Variants in AJAP1 observed in about 807,000 individuals in gnomAD.
The protein encoded by AJAP1 is adherens junction-associated protein 1.
In AJAP1, 5 loss-of-function variants were observed where a neutral mutation model predicts 35.0. That is an observed-to-expected ratio of 0.14 (90% CI 0.07 to 0.30). The LOEUF (loss-of-function observed/expected upper bound fraction) is 0.30. Ranked by LOEUF, AJAP1 falls within the 10% of genes least tolerant of loss-of-function variation. AJAP1 has a pLI of 1.00. For missense variants in AJAP1, 586 were observed against 571.0 expected (o/e 1.03, Z -0.27); for synonymous variants, 284 against 249.3 (o/e 1.14, Z -1.31).
chr1:4,704,923 G>T (rs1640067604), intron 1 of AJAP1, among the ~76,000 whole-genome samples: 1 of 152,204 alleles, frequency 6.6e-6, no homozygotes, highest in Non-Finnish European at 1.5e-5. Flanking sequence ...GTGAGCATTT[G>T]TTCATGTGTT....
rs1642074065 is a variant in AJAP1, at chr1:4,782,011, T to C, written c.*60-534T>C. On this transcript the variant is annotated intron_variant, in intron 5 of 5. Transcript: ENST00000378191. This position sits in a 1 kb window ranked among gnomAD's most constrained non-coding sequence, Gnocchi z 5.3. ...GAGATGTGGGAGGTGGATTTTCTGA[T>C]GCAGTCCATTTATCTCTCCCGAATT... Among the ~76,000 whole-genome samples the C allele has an allele frequency of 2.6e-5, 4 of 152,180 alleles. No individual in the cohort carries two copies. The South Asian group carries it at 8.3e-4, about 31-fold the overall frequency.
At position 4,788,639 on chromosome 1, in the gene AJAP1, G is replaced by C. The variant is rs1642207113; in HGVS notation, c.*6154G>C. 1 of 152,326 alleles carries C rather than the reference G, an allele frequency of 6.6e-6. No homozygotes were observed. Among genetic ancestry groups the C allele is most frequent in the African/African-American group, 2.4e-5 (1 of 41,426 alleles). The allele number at this position is 152,326 out of a possible 1,614,324, so 9.4% of individuals were successfully genotyped here. On this transcript the variant is annotated 3_prime_UTR_variant, in exon 6 of 6. Coordinates refer to ENST00000378191, the MANE Select transcript of AJAP1 (RefSeq NM_018836.4). Reference sequence around the variant, plus strand: ...ACACAAAGCAGCTCCCCTCAGAACAGCCAGCCCGGTGCAGAAGCACTTGAA... The same window carrying C: ...ACACAAAGCAGCTCCCCTCAGAACACCCAGCCCGGTGCAGAAGCACTTGAA...
At position 4,655,853 on chromosome 1, in the gene AJAP1, CG is replaced by C. The variant is rs1161804209; in HGVS notation, c.29+403del. ...CGGCGGGCGCGGGGGCCGGGGCTGC[CG>C]GGGAAAGCTAAAGCTCCGGGCTCCC... On this transcript the variant is annotated intron_variant, in intron 1 of 5. Coordinates refer to ENST00000378191, the MANE Select transcript of AJAP1 (RefSeq NM_018836.4). The surrounding 1 kb of genome is among the most constrained non-coding windows in gnomAD (Gnocchi z 6.9). Among the ~76,000 whole-genome samples the C allele has an allele frequency of 6.6e-6, 1 of 150,726 alleles. No individual in the cohort carries two copies. Among genetic ancestry groups the C allele is most frequent in the Non-Finnish European group, 1.5e-5 (1 of 67,556 alleles).
chr1:4,675,991 G>A (rs962774981), intron 1 of AJAP1, among the ~76,000 whole-genome samples: 1 of 152,216 alleles, frequency 6.6e-6, no homozygotes, highest in African/African-American at 2.4e-5. Context: ...CCACGTTTAG[G>A]AGGAAGCCCG....
chr1:4,688,789 A>G (rs998814289), intron 1 of AJAP1, among the ~76,000 whole-genome samples: 23 of 151,432 alleles, frequency 1.5e-4, no homozygotes, highest in African/African-American at 2.4e-4. Flanking sequence ...AAAAAAAAAA[A>G]AAAAGAAAGG....
At position 4,788,066 on chromosome 1, in the gene AJAP1, G is replaced by T; in HGVS notation, c.*5581G>T. On this transcript the variant is annotated 3_prime_UTR_variant, in exon 6 of 6. Coordinates refer to ENST00000378191, the MANE Select transcript of AJAP1 (RefSeq NM_018836.4). Reference sequence around the variant, plus strand: ...TAAATGAGCGAAACTCATCATCTGAGGATCTTTGATTATTCTTCCCCACTT... The same window carrying T: ...TAAATGAGCGAAACTCATCATCTGATGATCTTTGATTATTCTTCCCCACTT... The T allele has an allele frequency of 4.0e-6, 1 of 250,316 alleles. No homozygotes were observed. Among genetic ancestry groups the T allele is most frequent in the Non-Finnish European group, 8.0e-6 (1 of 124,780 alleles). The allele number at this position is 250,316 out of a possible 1,614,324, so 15.5% of individuals were successfully genotyped here. A position where few individuals can be genotyped will look rare whatever the true frequency, so the allele number is the denominator to read the frequency against.
chr1:4,755,902 G>A (rs1418115763), intron 2 of AJAP1, among the ~76,000 whole-genome samples: 1 of 152,138 alleles, frequency 6.6e-6, no homozygotes, highest in African/African-American at 2.4e-5. Context: ...GGTTCTTGCT[G>A]AAGGCAGGCC....
At chr1:4,778,856 G>A (rs1641991650) in intron 5 of AJAP1, among the ~76,000 whole-genome samples, 1 of 152,100 alleles carries the variant, frequency 6.6e-6, no homozygotes, top group African/African-American at 2.4e-5. Context: ...AGCGACTGAG[G>A]ACAAAACTGC....
chr1:4,687,614 A>G, intron 1 of AJAP1, among the ~76,000 whole-genome samples: 1 of 152,172 alleles, frequency 6.6e-6, no homozygotes, highest in Non-Finnish European at 1.5e-5. Flanking sequence ...CTTTAGGAAA[A>G]TAGGACATTG....
chr1:4,740,944 A>G (rs758433677), intron 2 of AJAP1, among the ~76,000 whole-genome samples: 114 of 152,166 alleles, frequency 7.5e-4, no homozygotes, highest in Middle Eastern at 3.4e-3. Context: ...ACCCACCTTC[A>G]TCCTCACGAA....
intron 1 of AJAP1, among the ~76,000 whole-genome samples, chr1:4,686,558 AC>A (rs1299679028): frequency 1.2e-4 from 19 of 152,240 alleles, no homozygotes; most frequent in African/African-American, 3.4e-4. Context: ...TATGGATAAT[AC>A]ACTAATTCTG....
chr1:4,761,928 G>A (rs1347409746), intron 2 of AJAP1, among the ~76,000 whole-genome samples: 1 of 152,140 alleles, frequency 6.6e-6, no homozygotes, highest in African/African-American at 2.4e-5. Context: ...TGACTCAAAT[G>A]TTAATCTCCT....
At position 4,734,238 on chromosome 1, in the gene AJAP1, C is replaced by G. The variant is rs1358239980; in HGVS notation, c.829+21539C>G. On this transcript the variant is annotated intron_variant, in intron 2 of 5. Coordinates refer to ENST00000378191, the MANE Select transcript of AJAP1 (RefSeq NM_018836.4). This position sits in a 1 kb window ranked among gnomAD's most constrained non-coding sequence, Gnocchi z 4.3. ...ATGAAAGGAGTGCCTCAGCTGAGCC[C>G]CGGAATAGGAAGGGCCTGCCCTACT... is the stretch of plus-strand genomic sequence containing the variant. Among the ~76,000 whole-genome samples the G allele has an allele frequency of 6.6e-6, 1 of 152,096 alleles. No individual in the cohort carries two copies. The highest frequency in any genetic ancestry group is 2.4e-5 in the African/African-American group (1 of 41,418).
intron 1 of AJAP1, among the ~76,000 whole-genome samples, chr1:4,687,313 A>G (rs1557608979): frequency 6.6e-6 from 1 of 152,224 alleles, no homozygotes; most frequent in Non-Finnish European, 1.5e-5. Context: ...ACAATCTCCC[A>G]TGACTGGTGC....
At chr1:4,744,243 G>T (rs969669854) in intron 2 of AJAP1, among the ~76,000 whole-genome samples, 15 of 152,218 alleles carry the variant, frequency 9.9e-5, no homozygotes, top group Admixed American at 2.6e-4. Context: ...CTGGTGTGCA[G>T]CCGTTCCTGC....
At chr1:4,665,615 C>T (rs1000018816) in intron 1 of AJAP1, among the ~76,000 whole-genome samples, 2 of 152,206 alleles carry the variant, frequency 1.3e-5, no homozygotes, top group Non-Finnish European at 1.5e-5. Flanking sequence ...GCACCAGCCA[C>T]GCAAGTGGTC....
At chr1:4,762,162 G>A (rs1016237988) in intron 2 of AJAP1, among the ~76,000 whole-genome samples, 1 of 152,216 alleles carries the variant, frequency 6.6e-6, no homozygotes, top group African/African-American at 2.4e-5. Context: ...ACGCTGCGCA[G>A]GACAGCAGTG....
intron 1 of AJAP1, among the ~76,000 whole-genome samples, chr1:4,707,642 T>A (rs1206528896): frequency 6.6e-6 from 1 of 152,114 alleles, no homozygotes; most frequent in Non-Finnish European, 1.5e-5. Flanking sequence ...TTATGCCAGA[T>A]CCCCTTTATC....
intron 2 of AJAP1, among the ~76,000 whole-genome samples, chr1:4,767,883 AC>A (rs1641724430): frequency 1.3e-5 from 2 of 152,138 alleles, no homozygotes; most frequent in East Asian, 3.8e-4. Flanking sequence ...CAGGCAACCC[AC>A]CCTCCACAGC....
Sources: allele counts gnomAD v4.1 joint callset (sites outside exome capture counted in the v4.1 genomes callset), GRCh38; gene constraint gnomAD v4.1.1; non-coding constraint Gnocchi (gnomAD v3.1); transcripts MANE v1.5; gene names NCBI Gene and HGNC (gene_info 2026-07-23, HGNC 2026-07-21).